The following POU6F2 variants were observed in gnomAD, a reference collection of about 807,000 sequenced individuals.
The protein encoded by POU6F2 is POU class 6 homeobox 2.
A neutral mutation model predicts 71.3 loss-of-function variants in POU6F2; 31 were observed. That is an observed-to-expected ratio of 0.43 (90% confidence interval 0.33 to 0.59). The LOEUF is 0.59. Among genes scored for constraint, POU6F2 ranks in the 20% least tolerant of loss-of-function variants. POU6F2 has a pLI of 0.04. For synonymous variants in POU6F2, 347 were observed against 355.7 expected, an observed-to-expected ratio of 0.98 and a Z score of 0.27; for missense variants, 783 against 856.8, an observed-to-expected ratio of 0.91 and a Z score of 1.07.
chr7:39,267,808 C>G (rs1784277074), intron 4 of POU6F2, among the ~76,000 whole-genome samples: 2 of 152,026 alleles, frequency 1.3e-5, no homozygotes, highest in South Asian at 4.1e-4. Flanking sequence ...ACTGTTAACC[C>G]TAATTAGCTA....
At chr7:39,228,939 C>G (rs1794522186) in intron 4 of POU6F2, among the ~76,000 whole-genome samples, 2 of 152,194 alleles carry the variant, frequency 1.3e-5, no homozygotes, top group South Asian at 4.1e-4. Context: ...GGTAAACACA[C>G]TCTGGGGACC....
chr7:39,382,986 A>G (rs1393904806), intron 5 of POU6F2, among the ~76,000 whole-genome samples: 1 of 152,240 alleles, frequency 6.6e-6, no homozygotes, highest in East Asian at 1.9e-4. Flanking sequence ...ATAATATATC[A>G]TGTAGTTTTT....
rs575230844 is a variant in POU6F2, at chr7:39,464,859, C to T, written c.*173C>T. On this transcript the variant is annotated 3_prime_UTR_variant, in exon 10 of 10. Coordinates refer to ENST00000518318, the MANE Select transcript of POU6F2 (RefSeq NM_001370959.1). This position sits in a 1 kb window ranked among gnomAD's most constrained non-coding sequence, Gnocchi z 4.1. ...TACCAAGTGGACAGAATGGTTTCTA[C>T]ATGTCCGTTGGTTTTCCAAAAAGGA... The T allele has an allele frequency of 6.6e-6, 6 of 908,014 alleles. No homozygotes were observed. In the East Asian group the frequency reaches 1.6e-4, roughly 24 times the overall value. The allele number at this position is 908,014 out of a possible 1,614,324, so 56.2% of individuals were successfully genotyped here. A position where few individuals can be genotyped will look rare whatever the true frequency, so the allele number is the denominator to read the frequency against.
intron 4 of POU6F2, among the ~76,000 whole-genome samples, chr7:39,266,565 A>C (rs4317479): frequency 1.3e-5 from 2 of 151,960 alleles, no homozygotes; most frequent in Non-Finnish European, 2.9e-5. Flanking sequence ...GGGACTTGCT[A>C]TGTTGCCTAA....
Position 39,169,672 on chromosome 7 carries a change from C to T in POU6F2, c.278-34563C>T, listed in dbSNP as rs963752673. Among the ~76,000 whole-genome samples the T allele has an allele frequency of 5.9e-5, 9 of 152,272 alleles. No individual in the cohort carries two copies. The South Asian group carries it at 1.9e-3, about 32-fold the overall frequency. Reference sequence around the variant, plus strand: ...TGATTAAATACACCTGGAACTTCCACTACACCATTTGAAAACTGATCTGTA... The same window carrying T: ...TGATTAAATACACCTGGAACTTCCATTACACCATTTGAAAACTGATCTGTA... On this transcript the variant is annotated intron_variant, in intron 2 of 9. Coordinates refer to ENST00000518318, the MANE Select transcript of POU6F2 (RefSeq NM_001370959.1).
At chr7:39,154,488 T>C (rs1301655082) in intron 2 of POU6F2, among the ~76,000 whole-genome samples, 1 of 152,252 alleles carries the variant, frequency 6.6e-6, no homozygotes, top group Non-Finnish European at 1.5e-5. Context: ...CTGAGCATTA[T>C]GTCTAAGTTC....
intron 2 of POU6F2, among the ~76,000 whole-genome samples, chr7:39,146,381 G>C (rs1792626995): frequency 6.6e-6 from 1 of 152,176 alleles, no homozygotes. Context: ...TAGGCCAGAG[G>C]GTAGGTGGGG....
intron 2 of POU6F2, among the ~76,000 whole-genome samples, chr7:39,161,611 G>C (rs1792999885): frequency 6.6e-6 from 1 of 152,122 alleles, no homozygotes; most frequent in South Asian, 2.1e-4. Flanking sequence ...CATGTAAACT[G>C]ATAAGGCATC....
At chr7:39,108,988 T>C (rs1488368696) in intron 2 of POU6F2, among the ~76,000 whole-genome samples, 9 of 152,182 alleles carry the variant, frequency 5.9e-5, no homozygotes, top group Non-Finnish European at 1.0e-4. Context: ...TGGGAGTCTT[T>C]AGTTGTCTGT....
intron 1 of POU6F2, among the ~76,000 whole-genome samples, chr7:39,033,433 C>T (rs1296324050): frequency 2.0e-5 from 3 of 152,022 alleles, no homozygotes; most frequent in Non-Finnish European, 1.5e-5. Flanking sequence ...TGTGCATTGC[C>T]GAATGATCTG....
chr7:39,420,592 A>G (rs568441508), intron 6 of POU6F2, among the ~76,000 whole-genome samples: 107 of 152,230 alleles, frequency 7.0e-4, no homozygotes, highest in Non-Finnish European at 1.2e-3. Context: ...ATATGATACT[A>G]CAAACATTGC....
Position 39,416,173 on chromosome 7 carries a change from A to C in POU6F2, c.1113+9433A>C, listed in dbSNP as rs113863961. Reference sequence around the variant, plus strand: ...TGTAAAGAGATGTAAACCTTACCGAATAATTACAGGGTATTTTGATTGGTA... The same window carrying C: ...TGTAAAGAGATGTAAACCTTACCGACTAATTACAGGGTATTTTGATTGGTA... On this transcript the variant is annotated intron_variant, in intron 6 of 9. Coordinates refer to ENST00000518318, the MANE Select transcript of POU6F2 (RefSeq NM_001370959.1). Among the ~76,000 whole-genome samples the C allele has an allele frequency of 2.1e-3, 316 of 152,092 alleles. 2 individuals carry two copies. The highest frequency in any genetic ancestry group is 7.1e-3 in the African/African-American group (294 of 41,510).
chr7:39,053,348 G>T (rs546390916), intron 1 of POU6F2, among the ~76,000 whole-genome samples: 7 of 152,068 alleles, frequency 4.6e-5, no homozygotes, highest in South Asian at 2.1e-4. Context: ...GCCCAATAAG[G>T]TACTTTCTAA....
At chr7:39,245,964 T>C (rs1233349643) in intron 4 of POU6F2, among the ~76,000 whole-genome samples, 1 of 152,278 alleles carries the variant, frequency 6.6e-6, no homozygotes, top group East Asian at 1.9e-4. Flanking sequence ...CACTGAAATA[T>C]TATTCATGAT....
intron 1 of POU6F2, among the ~76,000 whole-genome samples, chr7:39,055,637 T>C (rs558790636): frequency 2.6e-5 from 4 of 152,104 alleles, no homozygotes; most frequent in Non-Finnish European, 4.4e-5. Context: ...TTTTTTTGTC[T>C]AGTTTTTTTT....
At chr7:39,362,695 A>T (rs559999972) in intron 5 of POU6F2, among the ~76,000 whole-genome samples, 2 of 152,340 alleles carry the variant, frequency 1.3e-5, no homozygotes, top group South Asian at 4.1e-4. Flanking sequence ...AAACAAACAC[A>T]TAGTGTATCA....
chr7:39,386,136 G>A (rs200681193), intron 5 of POU6F2, among the ~76,000 whole-genome samples: 1,352 of 130,744 alleles, frequency 0.01, 12 homozygotes, highest in Middle Eastern at 0.031. Context: ...AAAAAAAAAA[G>A]AACCAACTTA....
intron 1 of POU6F2, among the ~76,000 whole-genome samples, chr7:39,054,313 T>G (rs1790461692): frequency 6.6e-6 from 1 of 152,058 alleles, no homozygotes; most frequent in Non-Finnish European, 1.5e-5. Flanking sequence ...TTACAACATT[T>G]CTTATCAACC....
intron 9 of POU6F2, among the ~76,000 whole-genome samples, chr7:39,461,150 TA>T (rs915588436): frequency 1.3e-5 from 2 of 151,840 alleles, no homozygotes; most frequent in Admixed American, 6.6e-5. Flanking sequence ...ACACACATTT[TA>T]AAAAAAAATT....
Sources: allele counts gnomAD v4.1 joint callset (sites outside exome capture counted in the v4.1 genomes callset), GRCh38; gene constraint gnomAD v4.1.1; non-coding constraint Gnocchi (gnomAD v3.1); transcripts MANE v1.5; gene names NCBI Gene and HGNC (gene_info 2026-07-23, HGNC 2026-07-21).